C3: variants seen among roughly 807,000 people sequenced by gnomAD.
C3 encodes the protein C3 and PZP-like alpha-2-macroglobulin domain-containing protein 1.
C3 carries 97 observed loss-of-function variants against 207.9 expected under a neutral mutation model. That is an observed-to-expected ratio of 0.47 (90% confidence interval 0.40 to 0.55). The LOEUF (loss-of-function observed/expected upper bound fraction) is 0.55. Ranked by LOEUF, C3 falls within the 20% of genes least tolerant of loss-of-function variation. The pLI is 0.00. For synonymous variants in C3, 848 were observed against 857.6 expected (o/e 0.99, Z 0.20); for missense variants, 1,684 against 2,171.7 (o/e 0.78, Z 4.46).
intron 27 of C3, among the ~76,000 whole-genome samples, chr19:6,689,474 A>T (rs1021170747): frequency 6.6e-6 from 1 of 150,812 alleles, no homozygotes; most frequent in South Asian, 2.1e-4. Flanking sequence ...TCTTTTCCTA[A>T]GGGGGGAGAA....
At chr19:6,683,611 C>T (rs11569547) in intron 33 of C3, among the ~76,000 whole-genome samples, 7,469 of 151,978 alleles carry the variant, frequency 0.049, 257 homozygotes, top group Middle Eastern at 0.1. Flanking sequence ...CCACCATGCC[C>T]GGCTAATTTT....
chr19:6,686,075 G>A (rs1158968409), intron 29 of C3, 49 bp downstream of exon 29: 7 of 1,595,584 alleles, frequency 4.4e-6, no homozygotes, highest in Non-Finnish European at 6.0e-6. Flanking sequence ...CCAGTGGGAA[G>A]CCGCAGGAGA....
At chr19:6,696,174 C>A (rs1967527101) in intron 23 of C3, among the ~76,000 whole-genome samples, 1 of 143,900 alleles carries the variant, frequency 6.9e-6, no homozygotes, top group South Asian at 2.2e-4. Flanking sequence ...CGCGCCACTG[C>A]ACTCCAGCCT....
rs773731044 is a variant in C3, at chr19:6,693,484, T to C, written c.3158A>G (p.Tyr1053Cys). Residue 1053 changes from tyrosine to cysteine, a missense_variant, in exon 25 of 41, where the codon TAC (tyrosine) becomes TGC (cysteine). Physicochemically the swap from Tyr to Cys is radical, Grantham distance 194. Transcript: ENST00000245907. ...QGALELIKKG[Y>C]TQQLAFRQPS... ...TTGTCTGAAGGCCAGCTGCTGGGTG[T>C]ACCCTGCAGAGAAGAGAGAGGAACC... is the stretch of plus-strand genomic sequence containing the variant. The C allele has an allele frequency of 1.2e-6, 2 of 1,611,514 alleles. No individual in the cohort carries two copies. The highest frequency in any genetic ancestry group is 8.5e-7 in the Non-Finnish European group (1 of 1,179,244).
At chr19:6,686,637 T>A in intron 28 of C3, 109 bp downstream of exon 28, 1 of 1,203,000 alleles carries the variant, frequency 8.3e-7, no homozygotes, top group South Asian at 1.2e-5. Context: ...TCAGCTTGGC[T>A]TAGGGTCATC....
intron 19 of C3, among the ~76,000 whole-genome samples, chr19:6,700,797 ATAAT>A: frequency 8.5e-6 from 1 of 118,090 alleles, no homozygotes; most frequent in South Asian, 2.7e-4. Context: ...TATGTAATAT[ATAAT>A]TATATATTAT....
intron 1 of C3, 55 bp downstream of exon 1, chr19:6,720,461 G>T: frequency 7.6e-7 from 1 of 1,312,462 alleles, no homozygotes; most frequent in Non-Finnish European, 1.1e-6. Flanking sequence ...ACCCCCAAAT[G>T]TCTGCTTCCA....
chr19:6,710,667 A>G lies in C3; in HGVS notation c.1658T>C (p.Val553Ala), dbSNP rs1949294059. ...QREVVADSVW[V>A]DVKDSCVGSL... ...GCCCACGCAGGAGTCCTTGACGTCC[A>G]CCCACACGGAGTCGGCCACCACCTC... The change falls in exon 13 of 41, where the codon GTG (valine) becomes GCG (alanine). Residue 553 changes from valine to alanine, a missense_variant. This residue lies in a region of C3 where 1,280 missense variants were observed against 1,739.1 expected (regional missense o/e 0.74). Coordinates refer to ENST00000245907, the MANE Select transcript of C3 (RefSeq NM_000064.4). 3 of 1,613,092 alleles carry G rather than the reference A, an allele frequency of 1.9e-6. No homozygotes were observed. Among genetic ancestry groups the G allele is most frequent in the African/African-American group, 1.3e-5 (1 of 74,904 alleles).
Position 6,719,173 on chromosome 19 carries a change from G to C in C3, c.267+38C>G, listed in dbSNP as rs1446691697. 1 of 1,584,976 alleles carries C rather than the reference G, an allele frequency of 6.3e-7. No homozygotes were observed. The highest frequency in any genetic ancestry group is 1.7e-5 in the Admixed American group (1 of 59,968). On this transcript the variant is annotated intron_variant, in intron 2 of 40. Transcript: ENST00000245907. This position sits in a 1 kb window ranked among gnomAD's most constrained non-coding sequence, Gnocchi z 5.4. Reference sequence around the variant, plus strand: ...GAGGAGGGGGGGAGTGGGCGTGGCTGTGGGTGTCAGCCGGGTCCTGCGCCA... The same window carrying C: ...GAGGAGGGGGGGAGTGGGCGTGGCTCTGGGTGTCAGCCGGGTCCTGCGCCA...
Position 6,679,195 on chromosome 19 carries a change from T to G in C3, c.4560A>C (p.Ile1520=). ...GGGTGACCTTGTCATCCGACTTTTG[T>G]ATGAAGCAATTCTCTGCAGGGTGGG... ...LCRCAEENCF[I]QKSDDKVTLE... Residue 1520 remains isoleucine (I), a synonymous_variant, in exon 38 of 41, where the codon ATA becomes ATC. Coordinates refer to ENST00000245907, the MANE Select transcript of C3 (RefSeq NM_000064.4). 6.2e-7 allele frequency: 1 copy of G among 1,614,130 alleles called. No homozygotes were observed.
chr19:6,682,267 A>T, intron 33 of C3, 38 bp from the exon 34 acceptor site: 1 of 1,530,928 alleles, frequency 6.5e-7, no homozygotes, highest in Non-Finnish European at 9.1e-7. Context: ...GGTCCCAAGG[A>T]GGGGTCAGCC....
intron 2 of C3, among the ~76,000 whole-genome samples, chr19:6,718,981 G>GT (rs1491229669): frequency 4.3e-5 from 3 of 69,578 alleles, no homozygotes; most frequent in African/African-American, 1.6e-4. Flanking sequence ...TTCAGAAGGG[G>GT]TGGGGGGGGG....
rs563352895 is a variant in C3, at chr19:6,684,405, G to A, written c.4155C>T (p.Ile1385=). Residue 1385 remains isoleucine, a synonymous_variant, in exon 33 of 41, where the codon ATC becomes ATT. Transcript: ENST00000245907. ...KRPQDAKNTM[I]LEICTRYRGD... ...CTTCTTACCTGGTACAGATCTCAAG[G>A]ATCATAGTGTTCTTGGCATCCTGAG... is the stretch of plus-strand genomic sequence containing the variant. 362 of 1,613,920 alleles carry A rather than the reference G, an allele frequency of 2.2e-4. 2 individuals carry two copies. The South Asian group carries it at 3.8e-3, about 17-fold the overall frequency.
In C3 at chr19:6,678,526, G is replaced by A. The variant is rs924244787; in HGVS notation, c.4631-71C>T. ...ATGAGGGGCACCCTGGTTTGCAAGTGCACCCGGGCATGTGGCTCTCTCTCC... is the reference window on the plus strand; with the variant it reads ...ATGAGGGGCACCCTGGTTTGCAAGTACACCCGGGCATGTGGCTCTCTCTCC... On this transcript the variant is annotated intron_variant, in intron 38 of 40. Coordinates refer to ENST00000245907, the MANE Select transcript of C3 (RefSeq NM_000064.4). 1.7e-5 allele frequency: 21 copies of A among 1,264,208 alleles called. 1 individual carries two copies. The Admixed American group carries it at 3.6e-4, about 21-fold the overall frequency. The allele number at this position is 1,264,208 out of a possible 1,614,324, so 78.3% of individuals were successfully genotyped here.
At chr19:6,702,261 G>T (rs781163351) in intron 18 of C3, 49 bp from the exon 19 acceptor site, 1 of 1,255,588 alleles carries the variant, frequency 8.0e-7, no homozygotes, top group Non-Finnish European at 1.2e-6. Context: ...CTAGCAGGGT[G>T]GTAGAGGGGA....
At position 6,690,868 on chromosome 19, in the gene C3, C is replaced by T. The variant is rs1918148059; in HGVS notation, c.3391-141G>A. On this transcript the variant is annotated intron_variant, in intron 26 of 40. Transcript: ENST00000245907. ...TGTTACCCCGCTACCCTAGGAAGGT[C>T]AAACTTCTTAGTATTAATTCATGCA... 4 of 707,290 alleles carry T rather than the reference C, an allele frequency of 5.7e-6. No homozygotes were observed. In the Admixed American group the frequency reaches 6.2e-5, roughly 11 times the overall value. 43.8% of individuals were successfully genotyped at this position (707,290 alleles called of 1,614,324 possible).
chr19:6,711,273 G>T, intron 11 of C3, 77 bp from the exon 12 acceptor site: 1 of 1,240,418 alleles, frequency 8.1e-7, no homozygotes, highest in Non-Finnish European at 1.2e-6. Context: ...CCTGGGAATT[G>T]GTGGCCTTTC....
intron 17 of C3, among the ~76,000 whole-genome samples, chr19:6,705,605 G>A (rs527946812): frequency 7.9e-5 from 12 of 151,812 alleles, no homozygotes; most frequent in African/African-American, 2.2e-4. Flanking sequence ...TCTCGGCCTC[G>A]CAAAGTGTGG....
At position 6,694,493 on chromosome 19, in the gene C3, G is replaced by T; in HGVS notation, c.3092C>A (p.Thr1031Lys). 4.3e-6 allele frequency: 7 copies of T among 1,614,148 alleles called. No homozygotes were observed. The highest frequency in any genetic ancestry group is 5.9e-6 in the Non-Finnish European group (7 of 1,179,994). ...TAGGCCGAACTTCTCCCACTGCTCCGTTTCATCCAGGTAATGCACAGCGAT... is the reference window on the plus strand; with the variant it reads ...TAGGCCGAACTTCTCCCACTGCTCCTTTTCATCCAGGTAATGCACAGCGAT... Reference protein sequence around the residue: ...TVIAVHYLDETEQWEKFGLEK... With the variant: ...TVIAVHYLDEKEQWEKFGLEK... The change falls in exon 24 of 41, where the codon ACG becomes AAG. Residue 1031 changes from threonine to lysine, a missense_variant. By Grantham distance (78) the Thr-to-Lys change is moderately conservative. Transcript: ENST00000245907.
Sources: allele counts gnomAD v4.1 joint callset (sites outside exome capture counted in the v4.1 genomes callset), GRCh38; gene constraint gnomAD v4.1.1; regional missense constraint gnomAD v4.1.1; non-coding constraint Gnocchi (gnomAD v3.1); transcripts MANE v1.5; gene names NCBI Gene and HGNC (gene_info 2026-07-23, HGNC 2026-07-21).